The following KLK6 variants were observed in gnomAD, a reference collection of about 807,000 sequenced individuals.
KLK6 encodes kallikrein related peptidase 6.
Under a neutral mutation model 21.7 loss-of-function variants are expected in KLK6, and 16 were observed. That is an observed-to-expected ratio of 0.74 (90% CI 0.50 to 1.12). The LOEUF is 1.12. Among genes scored for constraint, KLK6 ranks in the 50% most tolerant of loss-of-function variants. The probability of loss-of-function intolerance (pLI) is 0.00; values close to 1 mark genes in which losing one functional copy is unlikely to be tolerated. For missense variants in KLK6, 276 were observed against 304.6 expected, an observed-to-expected ratio of 0.91 and a Z score of 0.70; for synonymous variants, 116 against 120.1, an observed-to-expected ratio of 0.97 and a Z score of 0.22.
At chr19:50,965,667 C>T (rs1255692539) in intron 4 of KLK6, among the ~76,000 whole-genome samples, 2 of 152,190 alleles carry the variant, frequency 1.3e-5, no homozygotes, top group African/African-American at 4.8e-5. Context: ...TCTCCACTGC[C>T]CAACTCGAAT....
Position 50,963,447 on chromosome 19 carries a change from G to C in KLK6, c.300C>G (p.Ala100=), listed in dbSNP as rs772152972. Residue 100 remains alanine, a synonymous_variant, in exon 5 of 7, where the codon GCC becomes GCG. Transcript: ENST00000310157. The part of the protein sequence containing the change: ...VRAVIHPDYD[A]ASHDQDIMLL... ...GCATGATGTCCTGGTCATGGCTGGC[G>C]GCATCATAGTCAGGGTGGATCACAG... 1.9e-6 allele frequency: 3 copies of C among 1,614,174 alleles called. No homozygotes were observed. In the Admixed American group the frequency reaches 5.0e-5, roughly 27 times the overall value.
At position 50,961,845 on chromosome 19, in the gene KLK6, G is replaced by T. The variant is rs996384137; in HGVS notation, c.481C>A (p.His161Asn). ...FPDTIQCAYI[H>N]LVSREECEHA... ...TCACACTCCTCACGGGACACCAGGTGGATGTATGCACACTGGATGGTGTCA... is the reference window on the plus strand; with the variant it reads ...TCACACTCCTCACGGGACACCAGGTTGATGTATGCACACTGGATGGTGTCA... Residue 161 changes from histidine to asparagine, a missense_variant, in exon 6 of 7, where the codon CAC becomes AAC. Transcript: ENST00000310157. The T allele has an allele frequency of 6.2e-7, 1 of 1,613,868 alleles. No individual in the cohort carries two copies. Among genetic ancestry groups the T allele is most frequent in the Admixed American group, 1.7e-5 (1 of 59,988 alleles).
intron 4 of KLK6, among the ~76,000 whole-genome samples, chr19:50,963,946 T>A (rs1189432766): frequency 6.6e-6 from 1 of 152,166 alleles, no homozygotes; most frequent in East Asian, 1.9e-4. Flanking sequence ...ATTTTAACAA[T>A]GTAAGTTGGT....
chr19:50,960,806 C>T (rs904443876), intron 6 of KLK6, among the ~76,000 whole-genome samples: 8 of 152,046 alleles, frequency 5.3e-5, no homozygotes, highest in African/African-American at 1.7e-4. Flanking sequence ...GCTCTGTTGC[C>T]AGGCTGGAGT....
chr19:50,960,035 AGACGAGGAGGAGGAGGGAGAGGAGGGGG>A (rs2090809287), intron 6 of KLK6, among the ~76,000 whole-genome samples: 1 of 48,824 alleles, frequency 2.0e-5, no homozygotes, highest in African/African-American at 1.2e-4. Flanking sequence ...AGGAGGGGGA[AGACGAGGAGGAGGAGGGAGAGGAGGGGG>A]GAGGAGGAGG....
At position 50,958,936 on chromosome 19, in the gene KLK6, T is replaced by C; in HGVS notation, c.*228A>G. 1 of 553,326 alleles carries C rather than the reference T, an allele frequency of 1.8e-6. No individual in the cohort carries two copies. Among genetic ancestry groups the C allele is most frequent in the Non-Finnish European group, 3.2e-6 (1 of 308,224 alleles). The allele number at this position is 553,326 out of a possible 1,614,324, so 34.3% of individuals were successfully genotyped here. A position where few individuals can be genotyped will look rare whatever the true frequency, so the allele number is the denominator to read the frequency against. The stretch of plus-strand genomic sequence containing the variant: ...GGATTTTCCTGTATTCTCTTAGTGG[T>C]GGGGGTAAGACCGAGGACCCAAGTC... On this transcript the variant is annotated 3_prime_UTR_variant, in exon 7 of 7. Coordinates refer to ENST00000310157, the MANE Select transcript of KLK6 (RefSeq NM_002774.4).
In KLK6 at chr19:50,961,731, C is replaced by G. The variant is rs545692650; in HGVS notation, c.582+13G>C. 1.2e-6 allele frequency: 2 copies of G among 1,610,974 alleles called. No individual in the cohort carries two copies. Among genetic ancestry groups the G allele is most frequent in the African/African-American group, 2.7e-5 (2 of 74,868 alleles). On this transcript the variant is annotated intron_variant, in intron 6 of 6. Coordinates refer to ENST00000310157, the MANE Select transcript of KLK6 (RefSeq NM_002774.4). ...TCCCTGGCTGTGTAAGTGGCAGATC[C>G]GGGTCACCTCACCTGGCAGGAATCC...
Position 50,959,071 on chromosome 19 carries a change from G to T in KLK6, c.*93C>A. ...TATTAAGCATCAGGGTCAGAGCTGG[G>T]CAGGAGAGGAGGGGAGGCAAGGTCT... On this transcript the variant is annotated 3_prime_UTR_variant, in exon 7 of 7. Coordinates refer to ENST00000310157, the MANE Select transcript of KLK6 (RefSeq NM_002774.4). 7.3e-7 allele frequency: 1 copy of T among 1,366,666 alleles called. No individual in the cohort carries two copies. Among genetic ancestry groups the T allele is most frequent in the Non-Finnish European group, 1.0e-6 (1 of 964,256 alleles). The allele number at this position is 1,366,666 out of a possible 1,614,324, so 84.7% of individuals were successfully genotyped here.
rs764825755 is a variant in KLK6 at position 50,961,782 on chromosome 19, A to C, written c.544T>G (p.Cys182Gly). 1 of 1,613,942 alleles carries C rather than the reference A, an allele frequency of 6.2e-7. No homozygotes were observed. The stretch of plus-strand genomic sequence containing the variant: ...TTCCCGTACTTCTCATCCCCAGCAC[A>C]CAACATGTTCTGGGTGATCTGGCCA... The part of the protein sequence containing the change: ...YPGQITQNML[C>G]AGDEKYGKDS... The change falls in exon 6 of 7, where the codon TGT (cysteine) becomes GGT (glycine). Residue 182 changes from cysteine to glycine, a missense_variant. Cys to Gly is a radical substitution (Grantham distance 159). Coordinates refer to ENST00000310157, the MANE Select transcript of KLK6 (RefSeq NM_002774.4).
Position 50,959,180 on chromosome 19 carries a change from G to T in KLK6, c.719C>A (p.Thr240Asn). 1 of 1,614,130 alleles carries T rather than the reference G, an allele frequency of 6.2e-7. No individual in the cohort carries two copies. The highest frequency in any genetic ancestry group is 8.5e-7 in the Non-Finnish European group (1 of 1,180,000). Residue 240 changes from threonine (T) to asparagine (N), a missense_variant, in exon 7 of 7, where the codon ACC (threonine) becomes AAC (asparagine). Coordinates refer to ENST00000310157, the MANE Select transcript of KLK6 (RefSeq NM_002774.4). ...ATGTCAGGGTCACTTGGCCTGAATG[G>T]TTTTTTGGATCCAGTTCGTGTATCT... ...VCRYTNWIQK[T>N]IQAK
chr19:50,967,137 G>A (rs751238727), intron 4 of KLK6, 32 bp downstream of exon 4: 15 of 1,612,692 alleles, frequency 9.3e-6, no homozygotes, highest in East Asian at 2.2e-5. Context: ...GGGTTCAGTC[G>A]CATCTGCTGT....
intron 2 of KLK6, 61 bp downstream of exon 2, chr19:50,968,480 C>G (rs2090962063): frequency 3.4e-6 from 1 of 293,976 alleles, no homozygotes; most frequent in African/African-American, 2.1e-5. Flanking sequence ...GAGCCTGGCT[C>G]TGTGCGCAAT....
intron 5 of KLK6, 50 bp from the exon 6 acceptor site, chr19:50,961,930 C>CGAGTGCAAGAGG (rs1194857746): frequency 6.3e-7 from 1 of 1,585,062 alleles, no homozygotes. Context: ...GCACTCCCCT[C>CGAGTGCAAGAGG]ATCCTCCCCA....
At chr19:50,966,040 C>T (rs1048341622) in intron 4 of KLK6, among the ~76,000 whole-genome samples, 13 of 152,122 alleles carry the variant, frequency 8.5e-5, no homozygotes, top group African/African-American at 3.1e-4. Context: ...GCTTTAAATA[C>T]ACCTGTTTGC....
chr19:50,963,829 A>T (rs2090883863), intron 4 of KLK6, among the ~76,000 whole-genome samples: 1 of 152,056 alleles, frequency 6.6e-6, no homozygotes, highest in African/African-American at 2.4e-5. Flanking sequence ...TCTTGGTTTG[A>T]GCTGCCTTTT....
At position 50,959,283 on chromosome 19, in the gene KLK6, G is replaced by A. The variant is rs2090766499; in HGVS notation, c.616C>T (p.His206Tyr). ...DSGGPLVCGD[H>Y]LRGLVSWGNI... ...CCCCATGACACAAGGCCTCGGAGGT[G>A]GTCTCCACATACCAGCGGACCCCCA... The change falls in exon 7 of 7, where the codon CAC (histidine) becomes TAC (tyrosine). Residue 206 changes from histidine to tyrosine, a missense_variant. Physicochemically the swap from His to Tyr is moderately conservative, Grantham distance 83 (BLOSUM62 2). Coordinates refer to ENST00000310157, the MANE Select transcript of KLK6 (RefSeq NM_002774.4). 2 of 1,613,844 alleles carry A rather than the reference G, an allele frequency of 1.2e-6. No homozygotes were observed. Among genetic ancestry groups the A allele is most frequent in the Non-Finnish European group, 1.7e-6 (2 of 1,179,944 alleles).
intron 6 of KLK6, 127 bp downstream of exon 6, chr19:50,961,617 A>C: frequency 8.8e-7 from 1 of 1,137,898 alleles, no homozygotes; most frequent in South Asian, 1.6e-5. Context: ...GTTCTCCCTC[A>C]GCCTGTCTCT....
intron 6 of KLK6, 21 bp from the exon 7 acceptor site, chr19:50,959,337 G>C (rs1310557208): frequency 5.0e-6 from 8 of 1,610,342 alleles, no homozygotes; most frequent in Non-Finnish European, 6.8e-6. Context: ...GAGGGAGAAA[G>C]TCAGATACAG....
chr19:50,962,526 C>T (rs1041482392), intron 5 of KLK6: 3 of 152,844 alleles, frequency 2.0e-5, no homozygotes, highest in African/African-American at 4.8e-5. Context: ...CCTAACTGGC[C>T]CTGCCCTCCC....
Sources: gnomAD v4.1 joint callset for allele counts (sites outside exome capture counted in the v4.1 genomes callset) on GRCh38, gnomAD v4.1.1 for gene constraint, MANE v1.5 for transcripts, NCBI Gene and HGNC (gene_info 2026-07-23, HGNC 2026-07-21) for gene names.